Variants in ALDH4A1 observed in about 807,000 individuals in gnomAD.
ALDH4A1 encodes the protein delta-1-pyrroline-5-carboxylate dehydrogenase, mitochondrial.
In ALDH4A1, 46 loss-of-function variants were observed where a neutral mutation model predicts 70.5. The observed-to-expected ratio is 0.65, with a 90% CI of 0.51 to 0.83. ALDH4A1 has a LOEUF of 0.83. Ranked by LOEUF, ALDH4A1 falls within the 40% of genes least tolerant of loss-of-function variation. ALDH4A1 has a pLI of 0.00. For missense variants in ALDH4A1, 749 were observed against 766.5 expected (o/e 0.98, Z 0.27); for synonymous variants, 323 against 324.3 (o/e 1.00, Z 0.04).
intron 1 of ALDH4A1, among the ~76,000 whole-genome samples, chr1:18,901,372 G>A (rs987835632): frequency 6.6e-6 from 1 of 152,180 alleles, no homozygotes; most frequent in Non-Finnish European, 1.5e-5. Flanking sequence ...ACTCAGAAAG[G>A]GCACAGCTCA....
rs776988268 is a variant in ALDH4A1, at chr1:18,880,760, T to G, written c.866+940A>C. ...CAATATTTGGATTTATCTATGAAATTGTCCCAATTATACAAAGTTGGGCCA... is the reference window on the plus strand; with the variant it reads ...CAATATTTGGATTTATCTATGAAATGGTCCCAATTATACAAAGTTGGGCCA... On this transcript the variant is annotated intron_variant, in intron 8 of 14. Transcript: ENST00000375341. The surrounding 1 kb of genome is among the most constrained non-coding windows in gnomAD (Gnocchi z 5.1). Among the ~76,000 whole-genome samples the G allele has an allele frequency of 2.3e-4, 35 of 152,316 alleles. No individual in the cohort carries two copies. Among genetic ancestry groups the G allele is most frequent in the African/African-American group, 8.4e-4 (35 of 41,584 alleles).
rs1325989698 is a variant in ALDH4A1 at position 18,879,316 on chromosome 1, G to A, written c.924C>T (p.Phe308=). The A allele has an allele frequency of 1.2e-6, 2 of 1,610,292 alleles. No homozygotes were observed. The highest frequency in any genetic ancestry group is 3.4e-5 in the Admixed American group (2 of 59,572). Residue 308 remains phenylalanine (F), a synonymous_variant, in exon 9 of 15, where the codon TTC becomes TTT. Coordinates refer to ENST00000375341, the MANE Select transcript of ALDH4A1 (RefSeq NM_003748.4). The stretch of plus-strand genomic sequence containing the variant: ...AGGCCTTACCTCCAGCCAGGCGTGG[G>A]AAGGTGTGGAACCGGTCCAGGTTCT... The part of the protein sequence containing the change: ...VAQNLDRFHT[F]PRLAGECGGK...
Position 18,885,537 on chromosome 1 carries a change from T to C in ALDH4A1, c.389A>G (p.Lys130Arg). ...CGGCCCACTCAGCATGTCTGCCGCCTTCAGGAAGATCTGGGCCCGGTCTGC... is the reference window on the plus strand; with the variant it reads ...CGGCCCACTCAGCATGTCTGCCGCCCTCAGGAAGATCTGGGCCCGGTCTGC... ...PIADRAQIFL[K>R]AADMLSGPRR... The change falls in exon 5 of 15, where the codon AAG becomes AGG. Residue 130 changes from lysine to arginine, a missense_variant. Lys to Arg is a conservative substitution (Grantham distance 26). Transcript: ENST00000375341. 1 of 1,602,686 alleles carries C rather than the reference T, an allele frequency of 6.2e-7. No homozygotes were observed. The highest frequency in any genetic ancestry group is 8.5e-7 in the Non-Finnish European group (1 of 1,175,508).
chr1:18,894,188 T>C (rs768560590), intron 1 of ALDH4A1, among the ~76,000 whole-genome samples: 5 of 152,194 alleles, frequency 3.3e-5, no homozygotes, highest in Non-Finnish European at 7.3e-5. Flanking sequence ...CCTCGGGGAC[T>C]GGCCCAGGTA....
chr1:18,876,149 G>A (rs1026420424), intron 12 of ALDH4A1, among the ~76,000 whole-genome samples, 166 bp downstream of exon 12: 8 of 152,320 alleles, frequency 5.3e-5, no homozygotes, highest in East Asian at 1.9e-4. Flanking sequence ...GGCAGCCTGA[G>A]CTCAAAACCT....
chr1:18,885,176 A>G, intron 5 of ALDH4A1: 2 of 451,644 alleles, frequency 4.4e-6, no homozygotes, highest in South Asian at 2.3e-5. Flanking sequence ...GCAGGGAGAC[A>G]GTGCAGGCCA....
At chr1:18,879,427 G>A in intron 8 of ALDH4A1, 54 bp from the exon 9 acceptor site, 1 of 1,519,968 alleles carries the variant, frequency 6.6e-7, no homozygotes, top group Non-Finnish European at 9.0e-7. Context: ...GAGGAAGGGG[G>A]CGGAAAAGCC....
intron 1 of ALDH4A1, chr1:18,890,714 C>T (rs1034157461): frequency 1.0e-6 from 1 of 985,488 alleles, no homozygotes; most frequent in African/African-American, 1.7e-5. Context: ...GAAGTTTAAA[C>T]ACACAGATGC....
intron 1 of ALDH4A1, among the ~76,000 whole-genome samples, chr1:18,892,071 T>C (rs1040314830): frequency 1.3e-5 from 2 of 151,848 alleles, no homozygotes; most frequent in African/African-American, 4.8e-5. Flanking sequence ...TTGTGTCTCA[T>C]CTGATCATGG....
chr1:18,877,232 G>A lies in ALDH4A1; in HGVS notation c.1161C>T (p.Phe387=). Residue 387 remains phenylalanine (F), a synonymous_variant, in exon 11 of 15, where the codon TTC becomes TTT. Transcript: ENST00000375341. ...VGDPAEDFGT[F]FSAVIDAKSF... ...CCTTGGCATCAATCACTGCAGAGAA[G>A]AAGGTCCCAAAATCCTCTGCAGGCT... 3 of 1,608,426 alleles carry A rather than the reference G, an allele frequency of 1.9e-6. No homozygotes were observed. The highest frequency in any genetic ancestry group is 1.3e-5 in the African/African-American group (1 of 74,808).
chr1:18,896,203 A>C (rs930161834), intron 1 of ALDH4A1, among the ~76,000 whole-genome samples: 10 of 152,116 alleles, frequency 6.6e-5, no homozygotes, highest in African/African-American at 2.4e-4. Context: ...CCGCCAGGCC[A>C]CAGGCTCCAC....
chr1:18,876,862 T>C (rs1304146645), intron 11 of ALDH4A1, among the ~76,000 whole-genome samples: 4 of 152,204 alleles, frequency 2.6e-5, no homozygotes, highest in East Asian at 1.9e-4. Flanking sequence ...TGTGTGCTTA[T>C]GTGCAAATGG....
chr1:18,883,925 C>A (rs1272703065), intron 5 of ALDH4A1, among the ~76,000 whole-genome samples: 1 of 152,136 alleles, frequency 6.6e-6, no homozygotes, highest in Non-Finnish European at 1.5e-5. Context: ...GGGCCAAAAA[C>A]CAAGAGGCGA....
intron 1 of ALDH4A1, among the ~76,000 whole-genome samples, chr1:18,899,513 G>A (rs1443866791): frequency 6.6e-6 from 1 of 152,222 alleles, no homozygotes; most frequent in Non-Finnish European, 1.5e-5. Flanking sequence ...GAGAACTGAG[G>A]ATACTGATGG....
chr1:18,894,864 T>C (rs1446114611), intron 1 of ALDH4A1, among the ~76,000 whole-genome samples: 2 of 139,628 alleles, frequency 1.4e-5, no homozygotes, highest in Admixed American at 7.6e-5. Flanking sequence ...TTTCTTTCTT[T>C]CTTTTTTTTT....
At chr1:18,879,706 G>A (rs1934886951) in intron 8 of ALDH4A1, among the ~76,000 whole-genome samples, 1 of 152,162 alleles carries the variant, frequency 6.6e-6, no homozygotes, top group South Asian at 2.1e-4. Flanking sequence ...GGGTTGTTTT[G>A]TGATGAGTTC....
In ALDH4A1 at chr1:18,880,188, G is replaced by A. The variant is rs1220348206; in HGVS notation, c.867-815C>T. 6.6e-6 allele frequency among the ~76,000 whole-genome samples: 1 copy of A among 152,180 alleles called. No individual in the cohort carries two copies. The highest frequency in any genetic ancestry group is 6.5e-5 in the Admixed American group (1 of 15,286). On this transcript the variant is annotated intron_variant, in intron 8 of 14. Coordinates refer to ENST00000375341, the MANE Select transcript of ALDH4A1 (RefSeq NM_003748.4). This position sits in a 1 kb window ranked among gnomAD's most constrained non-coding sequence, Gnocchi z 5.1. ...CTCCCACCCCCAGCAAAGCTGCGGGGAAGGGGGTGGCAGAGCCTGGGGCCT... is the reference window on the plus strand; with the variant it reads ...CTCCCACCCCCAGCAAAGCTGCGGGAAAGGGGGTGGCAGAGCCTGGGGCCT...
rs1335909435 is a variant in ALDH4A1 at position 18,898,860 on chromosome 1, A to G, written c.62+3602T>C. Among the ~76,000 whole-genome samples the G allele has an allele frequency of 1.3e-5, 2 of 152,242 alleles. No homozygotes were observed. Among genetic ancestry groups the G allele is most frequent in the Non-Finnish European group, 2.9e-5 (2 of 68,042 alleles). On this transcript the variant is annotated intron_variant, in intron 1 of 14. Coordinates refer to ENST00000375341, the MANE Select transcript of ALDH4A1 (RefSeq NM_003748.4). The surrounding 1 kb of genome is among the most constrained non-coding windows in gnomAD (Gnocchi z 4.3). Reference sequence around the variant, plus strand: ...GGTGCCACTGCCAAGCACTGCCTCAATGGCGCTTTCACTACTTTAGAAGTG... The same window carrying G: ...GGTGCCACTGCCAAGCACTGCCTCAGTGGCGCTTTCACTACTTTAGAAGTG...
At chr1:18,897,216 C>A in intron 1 of ALDH4A1, 1 of 424,122 alleles carries the variant, frequency 2.4e-6, no homozygotes, top group South Asian at 1.7e-5. Context: ...ACTTGTTCGG[C>A]AAATTCTCCA....
Sources: allele counts gnomAD v4.1 joint callset (sites outside exome capture counted in the v4.1 genomes callset), GRCh38; gene constraint gnomAD v4.1.1; non-coding constraint Gnocchi (gnomAD v3.1); transcripts MANE v1.5; gene names NCBI Gene and HGNC (gene_info 2026-07-23, HGNC 2026-07-21).